DSCAM: variants seen among roughly 807,000 people sequenced by gnomAD.
The protein encoded by DSCAM is DS cell adhesion molecule.
A neutral mutation model predicts 217.7 loss-of-function variants in DSCAM; 47 were observed. That is an observed-to-expected ratio of 0.22 (90% confidence interval 0.17 to 0.28). The LOEUF (loss-of-function observed/expected upper bound fraction) is 0.28. DSCAM is among the 10% of genes least tolerant of loss of function. The pLI is 1.00. For synonymous variants in DSCAM, 1,056 were observed against 1,015.3 expected (o/e 1.04, Z -0.76); for missense variants, 2,080 against 2,618.3 (o/e 0.79, Z 4.49).
At chr21:40,299,737 TC>T (rs2073993773) in intron 9 of DSCAM, among the ~76,000 whole-genome samples, 1 of 152,052 alleles carries the variant, frequency 6.6e-6, no homozygotes, top group Non-Finnish European at 1.5e-5. Flanking sequence ...TCTCATATGC[TC>T]TAAGCATATG....
At chr21:40,063,477 A>C (rs1417441510) in intron 27 of DSCAM, among the ~76,000 whole-genome samples, 1 of 152,198 alleles carries the variant, frequency 6.6e-6, no homozygotes, top group African/African-American at 2.4e-5. Context: ...ATCCTGACTA[A>C]AAGTGTAGGA....
intron 3 of DSCAM, among the ~76,000 whole-genome samples, chr21:40,541,373 T>C (rs2076541591): frequency 7.2e-5 from 11 of 152,178 alleles, no homozygotes. Flanking sequence ...TGCGTGCTAG[T>C]AAGCATCAGA....
chr21:40,219,758 T>A (rs1456800183), intron 11 of DSCAM, among the ~76,000 whole-genome samples: 1 of 152,234 alleles, frequency 6.6e-6, no homozygotes, highest in Non-Finnish European at 1.5e-5. Flanking sequence ...TATATGTTTA[T>A]TAATAAAACC....
At chr21:40,037,864 A>ACT (rs2088657150) in intron 32 of DSCAM, among the ~76,000 whole-genome samples, 6 of 134,542 alleles carry the variant, frequency 4.5e-5, no homozygotes, top group Middle Eastern at 3.8e-3. Flanking sequence ...ATAATGCTGC[A>ACT]TATCTACAAC....
chr21:40,349,531 A>C (rs1184236940), intron 5 of DSCAM, among the ~76,000 whole-genome samples: 4 of 152,188 alleles, frequency 2.6e-5, no homozygotes, highest in Admixed American at 2.0e-4. Context: ...AGAAAAATGG[A>C]ATAATATTTG....
At chr21:40,713,227 A>G (rs999827025) in intron 1 of DSCAM, among the ~76,000 whole-genome samples, 4 of 152,174 alleles carry the variant, frequency 2.6e-5, no homozygotes, top group Admixed American at 6.5e-5. Context: ...TATGGCACCA[A>G]TGAAAACTCT....
intron 3 of DSCAM, among the ~76,000 whole-genome samples, chr21:40,620,370 GAAAGAAAGAAAGAAAGAGAA>G (rs145830995): frequency 0.067 from 6,128 of 91,638 alleles, 438 homozygotes; most frequent in South Asian, 0.086. Context: ...AAAAGAAAAA[GAAAGAAAGAAAGAAAGAGAA>G]AGAAAGAAAG....
intron 3 of DSCAM, among the ~76,000 whole-genome samples, chr21:40,545,638 C>T (rs2076576209): frequency 1.3e-5 from 2 of 152,102 alleles, no homozygotes; most frequent in South Asian, 4.2e-4. Context: ...TGTCCTGGGA[C>T]ACTTGGCAGG....
At chr21:40,335,710 T>A (rs2074423577) in intron 8 of DSCAM, among the ~76,000 whole-genome samples, 1 of 152,186 alleles carries the variant, frequency 6.6e-6, no homozygotes, top group South Asian at 2.1e-4. Context: ...AAAAATAAAC[T>A]AAAATTTTAG....
intron 8 of DSCAM, among the ~76,000 whole-genome samples, chr21:40,322,735 G>A (rs190601646): frequency 1.3e-5 from 2 of 152,262 alleles, no homozygotes; most frequent in East Asian, 3.9e-4. Flanking sequence ...ATGTTAGCCA[G>A]GCTGGTCTCA....
intron 16 of DSCAM, among the ~76,000 whole-genome samples, chr21:40,164,075 C>A (rs2090568344): frequency 6.6e-6 from 1 of 152,304 alleles, no homozygotes; most frequent in Middle Eastern, 3.4e-3. Context: ...AGCCTCTCTT[C>A]CTGCTGCCAA....
chr21:40,363,688 T>C (rs1164683882), intron 4 of DSCAM, among the ~76,000 whole-genome samples: 1 of 152,112 alleles, frequency 6.6e-6, no homozygotes, highest in Non-Finnish European at 1.5e-5. Flanking sequence ...TGGGATCTAA[T>C]TAAACTAAAG....
At chr21:40,814,052 T>C (rs2091861104) in intron 1 of DSCAM, among the ~76,000 whole-genome samples, 1 of 152,202 alleles carries the variant, frequency 6.6e-6, no homozygotes, top group Admixed American at 6.5e-5. Context: ...TGGTCATCAA[T>C]GCAGCTGGAA....
rs138073208 is a variant in DSCAM, at chr21:40,211,781, C to A, written c.2357-22543G>T. 5.3e-5 allele frequency among the ~76,000 whole-genome samples: 8 copies of A among 152,330 alleles called. No individual in the cohort carries two copies. The East Asian group carries it at 1.5e-3, about 29-fold the overall frequency. ...GTTATCACACTTTCCACTGCATACT[C>A]TGCTAATAGGCACTTTTATCCACAC... On this transcript the variant is annotated intron_variant, in intron 11 of 32. Transcript: ENST00000400454.
At chr21:40,252,191 C>G (rs1272079050) in intron 11 of DSCAM, among the ~76,000 whole-genome samples, 1 of 152,164 alleles carries the variant, frequency 6.6e-6, no homozygotes, top group East Asian at 1.9e-4. Context: ...TAAGTGTATG[C>G]CATTTTAAGC....
intron 1 of DSCAM, among the ~76,000 whole-genome samples, chr21:40,804,370 A>G (rs1452970512): frequency 6.6e-6 from 1 of 152,086 alleles, no homozygotes; most frequent in Non-Finnish European, 1.5e-5. Flanking sequence ...CCTTTCCCTG[A>G]TGATTATCCT....
Position 40,347,960 on chromosome 21 carries a change from A to AAG in DSCAM, c.935-17_935-16dup, listed in dbSNP as rs749916397. On this transcript the variant is annotated splice_polypyrimidine_tract_variant and intron_variant, in intron 5 of 32. Transcript: ENST00000400454. ...TTTCAGTGGCTCTGGAGGTTTTAGTAAGAGAGAGAGAAAAAAGATAAAAAC... is the reference window on the plus strand; with the variant it reads ...TTTCAGTGGCTCTGGAGGTTTTAGTAAGAGAGAGAGAGAAAAAAGATAAAAAC... 6.2e-7 allele frequency: 1 copy of AAG among 1,601,852 alleles called. No homozygotes were observed. Among genetic ancestry groups the AAG allele is most frequent in the Non-Finnish European group, 8.5e-7 (1 of 1,173,444 alleles).
intron 3 of DSCAM, among the ~76,000 whole-genome samples, chr21:40,601,388 T>A (rs2077060904): frequency 6.6e-6 from 1 of 152,234 alleles, no homozygotes; most frequent in Non-Finnish European, 1.5e-5. Flanking sequence ...CTATGACTAC[T>A]TATTAATTCC....
chr21:40,041,279 G>C (rs766171998), intron 32 of DSCAM, among the ~76,000 whole-genome samples: 3 of 152,162 alleles, frequency 2.0e-5, no homozygotes, highest in Non-Finnish European at 4.4e-5. Flanking sequence ...GTCTGTGAAG[G>C]AAAGTCTACA....
Sources: gnomAD v4.1 joint callset for allele counts (sites outside exome capture counted in the v4.1 genomes callset) on GRCh38, gnomAD v4.1.1 for gene constraint, MANE v1.5 for transcripts, NCBI Gene and HGNC (gene_info 2026-07-23, HGNC 2026-07-21) for gene names.